CFAP36: variants seen among roughly 807,000 people sequenced by gnomAD.
CFAP36 encodes cilia- and flagella-associated protein 36.
A neutral mutation model predicts 50.5 loss-of-function variants in CFAP36; 37 were observed. The ratio of observed to expected loss-of-function variants is 0.73; its 90% CI spans 0.56 to 0.96. The LOEUF (loss-of-function observed/expected upper bound fraction) is 0.96, where lower values mean the gene tolerates loss of function less well. CFAP36 is among the 50% of genes least tolerant of loss of function. CFAP36 has a pLI of 0.00. For missense variants in CFAP36, 407 were observed against 396.2 expected, an observed-to-expected ratio of 1.03 and a Z score of -0.23; for synonymous variants, 138 against 128.2, an observed-to-expected ratio of 1.08 and a Z score of -0.52.
intron 4 of CFAP36, among the ~76,000 whole-genome samples, chr2:55,532,480 G>A (rs1684379644): frequency 6.6e-6 from 1 of 152,046 alleles, no homozygotes; most frequent in African/African-American, 2.4e-5. Flanking sequence ...TTTTCCTCAG[G>A]AAGATTATTA....
At chr2:55,528,556 G>T (rs570698457) in intron 3 of CFAP36, among the ~76,000 whole-genome samples, 27 of 152,068 alleles carry the variant, frequency 1.8e-4, no homozygotes, top group African/African-American at 6.3e-4. Flanking sequence ...ACCGCACCTG[G>T]CTAATTTTTT....
At chr2:55,537,900 C>T (rs1468315898) in intron 7 of CFAP36, among the ~76,000 whole-genome samples, 1 of 152,184 alleles carries the variant, frequency 6.6e-6, no homozygotes. Flanking sequence ...ATTTGGTATT[C>T]TCTTCCATGC....
intron 3 of CFAP36, among the ~76,000 whole-genome samples, chr2:55,526,445 T>C (rs1377504508): frequency 6.6e-6 from 1 of 152,148 alleles, no homozygotes; most frequent in East Asian, 1.9e-4. Context: ...TTTTTGTTTG[T>C]TTGTTTTTGT....
intron 3 of CFAP36, among the ~76,000 whole-genome samples, chr2:55,525,715 C>G (rs1684191397): frequency 6.6e-6 from 1 of 152,046 alleles, no homozygotes; most frequent in African/African-American, 2.4e-5. Context: ...ACTGCAACCT[C>G]CGTCTCCTAG....
At chr2:55,542,948 C>T (rs1287914076) in intron 7 of CFAP36, among the ~76,000 whole-genome samples, 4 of 152,162 alleles carry the variant, frequency 2.6e-5, no homozygotes, top group African/African-American at 7.2e-5. Flanking sequence ...GCTTTTCTTC[C>T]TTCAACCTCT....
intron 3 of CFAP36, among the ~76,000 whole-genome samples, chr2:55,525,843 G>C (rs977655429): frequency 6.6e-6 from 1 of 152,144 alleles, no homozygotes; most frequent in Non-Finnish European, 1.5e-5. Context: ...TGTTGGCCAA[G>C]CTGGAACACC....
intron 7 of CFAP36, chr2:55,538,879 G>C (rs1684562358): frequency 1.3e-6 from 2 of 1,486,154 alleles, no homozygotes; most frequent in Non-Finnish European, 1.8e-6. Flanking sequence ...TAGTTTAGAA[G>C]AACTTCTATA....
chr2:55,542,630 C>T (rs776554127), intron 7 of CFAP36, among the ~76,000 whole-genome samples: 6 of 152,108 alleles, frequency 3.9e-5, no homozygotes, highest in Non-Finnish European at 5.9e-5. Context: ...TGAGAATATA[C>T]GTATGTTCAT....
At chr2:55,542,038 T>G (rs1018040019) in intron 7 of CFAP36, among the ~76,000 whole-genome samples, 2 of 152,184 alleles carry the variant, frequency 1.3e-5, no homozygotes, top group African/African-American at 4.8e-5. Context: ...CTACAGATTG[T>G]AAGGAGAAAT....
intron 8 of CFAP36, 41 bp downstream of exon 8, chr2:55,544,115 C>T: frequency 6.2e-7 from 1 of 1,611,816 alleles, no homozygotes; most frequent in Non-Finnish European, 8.5e-7. Context: ...AGCAAAATGA[C>T]AAGGTACTGG....
rs561778262 is a variant in CFAP36 at position 55,543,771 on chromosome 2, G to C, written c.641-167G>C. The stretch of plus-strand genomic sequence containing the variant: ...TAAGGATAGAGACATGATGTTTACT[G>C]TTCTTACCCAGTGGCTGGCACAGTA... On this transcript the variant is annotated intron_variant, in intron 7 of 9. Transcript: ENST00000349456. 2.0e-5 allele frequency among the ~76,000 whole-genome samples: 3 copies of C among 152,292 alleles called. No individual in the cohort carries two copies. The South Asian group carries it at 6.2e-4, about 32-fold the overall frequency.
At position 55,544,999 on chromosome 2, in the gene CFAP36, T is replaced by C; in HGVS notation, c.1020T>C (p.Ile340=). 2.0e-6 allele frequency: 3 copies of C among 1,531,192 alleles called. No homozygotes were observed. Among genetic ancestry groups the C allele is most frequent in the Non-Finnish European group, 2.7e-6 (3 of 1,121,012 alleles). 94.9% of individuals were successfully genotyped at this position (1,531,192 alleles called of 1,614,324 possible). ...LLAEKLKEEV[I]NK ...CAGAGAAACTCAAAGAAGAAGTTAT[T>C]AATAAGTAATAATTAAGAACAATTT... The change falls in exon 10 of 10, where the codon ATT becomes ATC. Residue 340 remains isoleucine (I), a synonymous_variant. Coordinates refer to ENST00000349456, the MANE Select transcript of CFAP36 (RefSeq NM_080667.7).
rs373171383 is a variant in CFAP36, at chr2:55,544,226, T to C, written c.784T>C (p.Ser262Pro). Residue 262 changes from serine to proline, a missense_variant, in exon 9 of 10, where the codon TCA becomes CCA. Coordinates refer to ENST00000349456, the MANE Select transcript of CFAP36 (RefSeq NM_080667.7). Reference protein sequence around the residue: ...ASIEGPIANLSVLGTEELRQR... With the variant: ...ASIEGPIANLPVLGTEELRQR... The stretch of plus-strand genomic sequence containing the variant: ...CTTTTCTTACTTGACCCAGAACTTA[T>C]CAGTACTTGGAACAGAAGAACTTCG... 5.4e-5 allele frequency: 87 copies of C among 1,612,388 alleles called. 1 individual carries two copies. The South Asian group carries it at 8.5e-4, about 16-fold the overall frequency.
intron 1 of CFAP36, chr2:55,520,398 C>T (rs1423650107): frequency 1.3e-6 from 2 of 1,537,306 alleles, no homozygotes; most frequent in Non-Finnish European, 8.8e-7. Flanking sequence ...TCACTCCAAA[C>T]CAACAGTTAA....
chr2:55,533,985 A>C (rs1287684151), intron 5 of CFAP36, 25 bp downstream of exon 5: 1 of 1,365,694 alleles, frequency 7.3e-7, no homozygotes, highest in African/African-American at 1.4e-5. Flanking sequence ...TTGTTTTTTA[A>C]ATGAATCATT....
chr2:55,536,025 G>A (rs1684475245), intron 6 of CFAP36: 3 of 559,280 alleles, frequency 5.4e-6, no homozygotes, highest in Non-Finnish European at 8.0e-6. Context: ...TACAGGACAT[G>A]CATATAAGCA....
intron 1 of CFAP36, among the ~76,000 whole-genome samples, chr2:55,521,775 GC>G (rs1299193695): frequency 2.0e-5 from 3 of 151,656 alleles, no homozygotes; most frequent in South Asian, 2.1e-4. Flanking sequence ...GTCTACAGGC[GC>G]GCACAACCAC....
chr2:55,538,811 A>T, intron 7 of CFAP36: 2 of 1,543,156 alleles, frequency 1.3e-6, no homozygotes, highest in Non-Finnish European at 1.7e-6. Context: ...CGAACTCTTC[A>T]ATGGTGAAAT....
intron 1 of CFAP36, chr2:55,520,324 C>A: frequency 7.9e-7 from 1 of 1,260,184 alleles, no homozygotes; most frequent in Non-Finnish European, 1.1e-6. Context: ...GTCGGTTTAC[C>A]TGAGTTCCTT....
Sources: gnomAD v4.1 joint callset for allele counts (sites outside exome capture counted in the v4.1 genomes callset) on GRCh38, gnomAD v4.1.1 for gene constraint, MANE v1.5 for transcripts, NCBI Gene and HGNC (gene_info 2026-07-23, HGNC 2026-07-21) for gene names.